The following G3BP2 variants were observed in gnomAD, a reference collection of about 807,000 sequenced individuals.
G3BP2 encodes the protein G3BP stress granule assembly factor 2.
G3BP2 carries 11 observed loss-of-function variants against 56.7 expected under a neutral mutation model. That is an observed-to-expected ratio of 0.19 (90% CI 0.12 to 0.32). G3BP2 has a LOEUF of 0.32. G3BP2 is among the 10% of genes least tolerant of loss of function. The pLI, the probability that G3BP2 is intolerant of heterozygous loss-of-function variation, is 1.00. For missense variants in G3BP2, 340 were observed against 610.9 expected (o/e 0.56, Z 4.67); for synonymous variants, 165 against 191.6 (o/e 0.86, Z 1.15).
At position 75,655,887 on chromosome 4, in the gene G3BP2, C is replaced by G. The variant is rs1221088876; in HGVS notation, c.443-17G>C. ...CTTCTGATTCTGAAAATACATAATA[C>G]AGCACATCTTTTTTAAAGAGGCTTC... On this transcript the variant is annotated splice_polypyrimidine_tract_variant and intron_variant, in intron 5 of 11. Coordinates refer to ENST00000359707, the MANE Select transcript of G3BP2 (RefSeq NM_203505.3). 3 of 1,207,826 alleles carry G rather than the reference C, an allele frequency of 2.5e-6. No homozygotes were observed. In the South Asian group the frequency reaches 3.6e-5, roughly 15 times the overall value. 74.8% of individuals were successfully genotyped at this position (1,207,826 alleles called of 1,614,324 possible).
chr4:75,681,389 C>T (rs1439195879), intron 3 of G3BP2, among the ~76,000 whole-genome samples: 1 of 151,860 alleles, frequency 6.6e-6, no homozygotes, highest in Non-Finnish European at 1.5e-5. Flanking sequence ...TATAGTAGTC[C>T]CCCCTTATCT....
intron 1 of G3BP2, among the ~76,000 whole-genome samples, chr4:75,722,720 T>C (rs991468488): frequency 3.9e-5 from 6 of 152,210 alleles, no homozygotes; most frequent in African/African-American, 9.6e-5. Context: ...CAGAGGACAA[T>C]GCTTAGCGCA....
At chr4:75,654,390 A>G (rs1329559692) in intron 7 of G3BP2, among the ~76,000 whole-genome samples, 1 of 152,226 alleles carries the variant, frequency 6.6e-6, no homozygotes, top group Non-Finnish European at 1.5e-5. Flanking sequence ...CCTGAACCTA[A>G]TAGAAACAAT....
At chr4:75,646,952 TTATTAAAAAAGCTCCA>T in intron 10 of G3BP2, 61 bp downstream of exon 10, 1 of 849,708 alleles carries the variant, frequency 1.2e-6, no homozygotes, top group South Asian at 1.8e-5. Context: ...AAAAAAATAG[TTATTAAAAAAGCTCCA>T]TATGCCTCTT....
intron 1 of G3BP2, among the ~76,000 whole-genome samples, chr4:75,672,317 A>T (rs1249215684): frequency 6.6e-6 from 1 of 152,220 alleles, no homozygotes; most frequent in Admixed American, 6.5e-5. Flanking sequence ...CCATCTTAAG[A>T]AATCTGCTTT....
At chr4:75,675,734 G>C (rs988118210), upstream of G3BP2, among the ~76,000 whole-genome samples, 1 of 152,182 alleles carries the variant, frequency 6.6e-6, no homozygotes, top group African/African-American at 2.4e-5. Flanking sequence ...GGAGGTTGCG[G>C]TGAGCTGAGA....
intron 9 of G3BP2, among the ~76,000 whole-genome samples, chr4:75,647,576 G>T (rs574755518): frequency 2.0e-5 from 3 of 152,090 alleles, no homozygotes; most frequent in African/African-American, 7.2e-5. Context: ...AATTTTAACA[G>T]CAATCATCAC....
chr4:75,685,850 CA>C (rs1184352594), intron 3 of G3BP2, among the ~76,000 whole-genome samples: 1 of 152,078 alleles, frequency 6.6e-6, no homozygotes, highest in Non-Finnish European at 1.5e-5. Flanking sequence ...TTTTGGAAAC[CA>C]AATCTATAAA....
At chr4:75,672,954 G>A (rs1037499202) in intron 1 of G3BP2, 72 of 969,410 alleles carry the variant, frequency 7.4e-5, no homozygotes, top group Admixed American at 1.9e-4. Flanking sequence ...CTGTGCACTC[G>A]GAGCCCTCTG....
intron 3 of G3BP2, among the ~76,000 whole-genome samples, chr4:75,681,676 C>T (rs574143843): frequency 4.9e-4 from 74 of 151,764 alleles, no homozygotes; most frequent in African/African-American, 1.6e-3. Flanking sequence ...ATGGCGAACC[C>T]TGTCTCTACT....
chr4:75,694,922 G>T (rs1719041455), intron 3 of G3BP2: 5 of 985,664 alleles, frequency 5.1e-6, no homozygotes, highest in Admixed American at 1.2e-4. Context: ...ATAAGGACAT[G>T]AAGGAAACTG....
chr4:75,683,218 T>C (rs1284275293), intron 3 of G3BP2, among the ~76,000 whole-genome samples: 1 of 152,080 alleles, frequency 6.6e-6, no homozygotes, highest in African/African-American at 2.4e-5. Context: ...CTGCTTTACC[T>C]CAGCAGGAAG....
At chr4:75,665,024 T>C (rs1005737802) in intron 1 of G3BP2, among the ~76,000 whole-genome samples, 3 of 152,148 alleles carry the variant, frequency 2.0e-5, no homozygotes, top group East Asian at 3.9e-4. Flanking sequence ...TCAATTTCCA[T>C]GTGTGTTTAC....
chr4:75,655,116 T>G lies in G3BP2; in HGVS notation c.676A>C (p.Thr226Pro). ...ACAGGTTCTGCCGGAGGAGGAGTAG[T>G]AGATTTCTCCTCTAGTTCTTCTAAG... ...KNLEELEEKSTTPPPAEPVSL... is the reference protein window; with the variant it reads ...KNLEELEEKSPTPPPAEPVSL... Residue 226 changes from threonine to proline, a missense_variant, in exon 7 of 12, where the codon ACT (threonine) becomes CCT (proline). Physicochemically the swap from Thr to Pro is conservative, Grantham distance 38 (BLOSUM62 -1). Coordinates refer to ENST00000359707, the MANE Select transcript of G3BP2 (RefSeq NM_203505.3). 1 of 1,613,172 alleles carries G rather than the reference T, an allele frequency of 6.2e-7. No homozygotes were observed. The highest frequency in any genetic ancestry group is 8.5e-7 in the Non-Finnish European group (1 of 1,179,194).
chr4:75,716,171 T>C (rs1490364951), intron 3 of G3BP2, among the ~76,000 whole-genome samples: 1 of 152,136 alleles, frequency 6.6e-6, no homozygotes, highest in African/African-American at 2.4e-5. Flanking sequence ...GCTTTTCTAG[T>C]TCTTTTTTTT....
In G3BP2 at chr4:75,650,426, C is replaced by CCA. The variant is rs1430594251; in HGVS notation, c.826-1686_826-1685insTG. Among the ~76,000 whole-genome samples the CCA allele has an allele frequency of 1.8e-4, 14 of 76,764 alleles. 1 individual carries two copies. Among genetic ancestry groups the CCA allele is most frequent in the East Asian group, 9.4e-4 (3 of 3,194 alleles). The allele number at this position is 76,764 out of a possible 152,430, so 50.4% of individuals were successfully genotyped here. Reference sequence around the variant, plus strand: ...GGGCAACAAGAGAGAAACTCCATCTCAAAAAAAAAAAAAAAAAAAGCTTCT... The same window carrying CCA: ...GGGCAACAAGAGAGAAACTCCATCTCCAAAAAAAAAAAAAAAAAAAAGCTTCT... On this transcript the variant is annotated intron_variant, in intron 8 of 11. Coordinates refer to ENST00000359707, the MANE Select transcript of G3BP2 (RefSeq NM_203505.3).
chr4:75,682,903 G>C (rs1206607563), intron 3 of G3BP2, among the ~76,000 whole-genome samples: 1 of 151,654 alleles, frequency 6.6e-6, no homozygotes, highest in Non-Finnish European at 1.5e-5. Flanking sequence ...AGAATTGCTT[G>C]AACCTGGGAG....
At chr4:75,671,635 T>C (rs1351154563) in intron 1 of G3BP2, among the ~76,000 whole-genome samples, 1 of 152,252 alleles carries the variant, frequency 6.6e-6, no homozygotes, top group African/African-American at 2.4e-5. Flanking sequence ...TGACAGCTCT[T>C]AGTAAGAAAT....
At chr4:75,695,019 A>T in intron 3 of G3BP2, 5 of 760,570 alleles carry the variant, frequency 6.6e-6, no homozygotes, top group Non-Finnish European at 8.0e-6. Context: ...CTGTGGCTCA[A>T]GAGCCAGTAT....
Sources: gnomAD v4.1 joint callset for allele counts (sites outside exome capture counted in the v4.1 genomes callset) on GRCh38, gnomAD v4.1.1 for gene constraint, MANE v1.5 for transcripts, NCBI Gene and HGNC (gene_info 2026-07-23, HGNC 2026-07-21) for gene names.